Variants in PTPN12 observed in about 807,000 individuals in gnomAD.
PTPN12 encodes tyrosine-protein phosphatase non-receptor type 12.
In PTPN12, 29 loss-of-function variants were observed where a neutral mutation model predicts 97.6. The observed-to-expected ratio is 0.30, with a 90% confidence interval of 0.22 to 0.41. PTPN12 has a LOEUF of 0.41. PTPN12 is among the 10% of genes least tolerant of loss of function. The pLI, the probability that PTPN12 is intolerant of heterozygous loss-of-function variation, is 1.00. For synonymous variants in PTPN12, 327 were observed against 300.4 expected (o/e 1.09, Z -0.91); for missense variants, 819 against 926.0 (o/e 0.88, Z 1.50).
chr7:77,625,480 T>G (rs747488474), intron 12 of PTPN12, among the ~76,000 whole-genome samples: 2,881 of 47,650 alleles, frequency 0.06, 189 homozygotes, highest in African/African-American at 0.11. Flanking sequence ...TCGCTCTCTC[T>G]CTCTCTCTCT....
intron 4 of PTPN12, among the ~76,000 whole-genome samples, chr7:77,584,676 G>C (rs1787629794): frequency 6.6e-6 from 1 of 152,082 alleles, no homozygotes; most frequent in African/African-American, 2.4e-5. Flanking sequence ...AGGAGATCGA[G>C]ACCATCCTGG....
At chr7:77,546,772 C>A (rs562565577) in intron 1 of PTPN12, among the ~76,000 whole-genome samples, 2 of 152,040 alleles carry the variant, frequency 1.3e-5, no homozygotes, top group South Asian at 2.1e-4. Context: ...AGGAAACTTA[C>A]GATTGTGGTG....
At chr7:77,632,457 C>CAT in intron 14 of PTPN12, 32 bp downstream of exon 14, 1 of 1,487,826 alleles carries the variant, frequency 6.7e-7, no homozygotes, top group Non-Finnish European at 9.4e-7. Flanking sequence ...ACATTTACTT[C>CAT]ATATTCTAAT....
At chr7:77,622,181 T>C (rs1437149404) in intron 12 of PTPN12, among the ~76,000 whole-genome samples, 1 of 152,180 alleles carries the variant, frequency 6.6e-6, no homozygotes, top group South Asian at 2.1e-4. Context: ...TTTTAAACTC[T>C]TGGGCTCAAG....
At chr7:77,635,746 A>G (rs1789565022) in intron 14 of PTPN12, 36 bp from the exon 15 acceptor site, 4 of 1,354,260 alleles carry the variant, frequency 3.0e-6, no homozygotes, top group South Asian at 2.7e-5. Flanking sequence ...TCAGAAATTC[A>G]AGGTGTTAAT....
chr7:77,589,311 A>C (rs1787792885), intron 5 of PTPN12, among the ~76,000 whole-genome samples: 1 of 152,196 alleles, frequency 6.6e-6, no homozygotes, highest in African/African-American at 2.4e-5. Context: ...GCTATGTCGA[A>C]GTAAAATTTA....
chr7:77,628,509 C>A (rs889577382), intron 13 of PTPN12, among the ~76,000 whole-genome samples: 10 of 151,674 alleles, frequency 6.6e-5, no homozygotes, highest in African/African-American at 2.4e-4. Context: ...GTGACACATA[C>A]AGACTGGTAT....
At chr7:77,538,016 G>T (rs1346663108) in intron 1 of PTPN12, 1 of 1,031,318 alleles carries the variant, frequency 9.7e-7, no homozygotes, top group Non-Finnish European at 1.2e-6. Context: ...TCCCCGCGCA[G>T]TTCGCTCCTC....
intron 1 of PTPN12, among the ~76,000 whole-genome samples, chr7:77,544,015 CTT>C (rs1807108623): frequency 2.0e-5 from 3 of 152,144 alleles, no homozygotes; most frequent in Admixed American, 6.5e-5. Flanking sequence ...TTTCAGGTCT[CTT>C]GGGTATATAT....
In PTPN12 at chr7:77,581,646, T is replaced by C. The variant is rs1787519315; in HGVS notation, c.285+143T>C. On this transcript the variant is annotated intron_variant, in intron 3 of 17. Coordinates refer to ENST00000248594, the MANE Select transcript of PTPN12 (RefSeq NM_002835.4). ...AAAGCCACTGCCCTGGCACAATGTT[T>C]TTATATGCTTTCCTTCTAGCCTTCT... 3 of 447,216 alleles carry C rather than the reference T, an allele frequency of 6.7e-6. No individual in the cohort carries two copies. The South Asian group carries it at 1.6e-4, about 24-fold the overall frequency. The allele number at this position is 447,216 out of a possible 1,614,324, so 27.7% of individuals were successfully genotyped here.
intron 1 of PTPN12, among the ~76,000 whole-genome samples, chr7:77,552,847 TA>T (rs974000764): frequency 2.6e-5 from 4 of 152,318 alleles, no homozygotes; most frequent in Middle Eastern, 3.4e-3. Context: ...CTCTCAATCT[TA>T]GCTTCTTTAT....
chr7:77,592,855 A>C (rs57287489), intron 6 of PTPN12, among the ~76,000 whole-genome samples: 1 of 152,202 alleles, frequency 6.6e-6, no homozygotes, highest in African/African-American at 2.4e-5. Flanking sequence ...ACAGTGAAGG[A>C]AATAGGAGTA....
Position 77,537,628 on chromosome 7 carries a change from T to A in PTPN12, c.82T>A (p.Phe28Ile). ...TCCTGACCACAATGGGGAGGACAAC[T>A]TCGCCCGGGACTTCATGGTGAGTCT... The part of the protein sequence containing the change: ...KSPDHNGEDN[F>I]ARDFMRLRRL... The change falls in exon 1 of 18, where the codon TTC becomes ATC. Residue 28 changes from phenylalanine (F) to isoleucine (I), a missense_variant. Around this residue, in one of 5 missense-constraint regions of PTPN12, gnomAD observed 59 missense variants for 42.2 expected, o/e 1.40. Coordinates refer to ENST00000248594, the MANE Select transcript of PTPN12 (RefSeq NM_002835.4). The A allele has an allele frequency of 1.9e-6, 3 of 1,600,012 alleles. No individual in the cohort carries two copies.
intron 1 of PTPN12, among the ~76,000 whole-genome samples, chr7:77,566,177 CATA>C (rs895597485): frequency 3.3e-5 from 5 of 152,146 alleles, no homozygotes; most frequent in African/African-American, 1.2e-4. Flanking sequence ...TACTGCTAGT[CATA>C]GTGGTGGTGA....
In PTPN12 at chr7:77,632,393, C is replaced by G; in HGVS notation, c.2042C>G (p.Thr681Ser). 2 of 1,611,270 alleles carry G rather than the reference C, an allele frequency of 1.2e-6. No individual in the cohort carries two copies. Among genetic ancestry groups the G allele is most frequent in the East Asian group, 2.2e-5 (1 of 44,796 alleles). The change falls in exon 14 of 18, where the codon ACT becomes AGT. Residue 681 changes from threonine to serine, a missense_variant. Around this residue, in one of 5 missense-constraint regions of PTPN12, gnomAD observed 607 missense variants for 577.3 expected, o/e 1.05. Transcript: ENST00000248594. ...TCACCTCCTCCCCTACCTGAAAGAA[C>G]TCCTGAATCGTTTGTGTTAGCAAGT... The part of the protein sequence containing the change: ...EDSPPPLPER[T>S]PESFVLASEH...
chr7:77,583,715 C>T, intron 4 of PTPN12, 65 bp downstream of exon 4: 1 of 1,020,310 alleles, frequency 9.8e-7, no homozygotes, highest in East Asian at 2.5e-5. Context: ...GGCTATTTTA[C>T]TGAATAAGGA....
intron 9 of PTPN12, among the ~76,000 whole-genome samples, chr7:77,608,032 G>A (rs1024615725): frequency 3.9e-5 from 6 of 152,222 alleles, no homozygotes; most frequent in African/African-American, 1.4e-4. Flanking sequence ...CGGGATTGTA[G>A]GCGTGAGCTA....
chr7:77,614,074 T>TG (rs1788668752), intron 11 of PTPN12, among the ~76,000 whole-genome samples: 2 of 149,800 alleles, frequency 1.3e-5, no homozygotes, highest in Non-Finnish European at 3.0e-5. Context: ...AAAAATTTTT[T>TG]TTTGTAGAGA....
In PTPN12 at chr7:77,537,686, C is replaced by T. The variant is rs1323445067; in HGVS notation, c.99+41C>T. ...CGCTGTCGCGTTTTCTTGCCGGCGC[C>T]GGAGCCCATCGCCGCCTCTCCCGGC... On this transcript the variant is annotated intron_variant, in intron 1 of 17. Coordinates refer to ENST00000248594, the MANE Select transcript of PTPN12 (RefSeq NM_002835.4). The T allele has an allele frequency of 2.6e-6, 4 of 1,539,514 alleles. No individual in the cohort carries two copies. In the African/African-American group the frequency reaches 5.6e-5, roughly 22 times the overall value.
Sources: allele counts gnomAD v4.1 joint callset (sites outside exome capture counted in the v4.1 genomes callset), GRCh38; gene constraint gnomAD v4.1.1; regional missense constraint gnomAD v4.1.1; transcripts MANE v1.5; gene names NCBI Gene and HGNC (gene_info 2026-07-23, HGNC 2026-07-21).